Variants in GATA1 observed in about 807,000 individuals in gnomAD.
GATA1 encodes erythroid transcription factor.
A neutral mutation model predicts 18.9 loss-of-function variants in GATA1; 2 were observed. The ratio of observed to expected loss-of-function variants is 0.11; its 90% CI spans 0.04 to 0.33. GATA1 has a LOEUF of 0.33. Ranked by LOEUF, GATA1 falls within the 10% of genes least tolerant of loss-of-function variation. GATA1 has a pLI of 1.00. For synonymous variants in GATA1, 152 were observed against 149.1 expected, an observed-to-expected ratio of 1.02 and a Z score of -0.14; for missense variants, 272 against 344.7, an observed-to-expected ratio of 0.79 and a Z score of 1.67.
In GATA1 at chrX:48,791,324, C is replaced by T. The variant is rs1557020070; in HGVS notation, c.215C>T (p.Ser72Phe). The change falls in exon 2 of 6, where the codon TCC (serine) becomes TTC (phenylalanine). Residue 72 changes from serine (S) to phenylalanine (F), a missense_variant. This residue lies in a region of GATA1 where 147 missense variants were observed against 157.4 expected (regional missense o/e 0.93). Coordinates refer to ENST00000376670, the MANE Select transcript of GATA1 (RefSeq NM_002049.4). ...YYRDAEAYRHSPVFQVYPLLN... is the reference protein window; with the variant it reads ...YYRDAEAYRHFPVFQVYPLLN... Reference sequence around the variant, plus strand: ...AGGGACGCTGAGGCCTACAGACACTCCCCAGGTAACTCCATTGAGTGGCTG... The same window carrying T: ...AGGGACGCTGAGGCCTACAGACACTTCCCAGGTAACTCCATTGAGTGGCTG... 3 of 1,196,540 alleles carry T rather than the reference C, an allele frequency of 2.5e-6. No individual in the cohort carries two copies. The highest frequency in any genetic ancestry group is 3.4e-6 in the Non-Finnish European group (3 of 886,878).
At chrX:48,791,045 G>T (rs1261304938) in intron 1 of GATA1, 46 bp from the exon 2 acceptor site, 12 of 879,877 alleles carry the variant, frequency 1.4e-5, no homozygotes, top group Admixed American at 7.7e-5. Flanking sequence ...GAAAGGAGGT[G>T]GGGGGGAAGG....
At chrX:48,792,258 G>C (rs782442206) in intron 3 of GATA1, 37 bp downstream of exon 3, 2 of 1,211,853 alleles carry the variant, frequency 1.7e-6, no homozygotes, top group East Asian at 5.9e-5. Flanking sequence ...AGTTGAGGTG[G>C]GAGGGGTGGC....
intron 1 of GATA1, 45 bp from the exon 2 acceptor site, chrX:48,791,046 G>A (rs1215996916): frequency 2.2e-6 from 2 of 894,226 alleles, no homozygotes; most frequent in African/African-American, 2.0e-5. Flanking sequence ...AAAGGAGGTG[G>A]GGGGGAAGGA....
Position 48,791,995 on chromosome X carries a change from G to A in GATA1, c.372G>A (p.Leu124=), listed in dbSNP as rs1378991052. The A allele has an allele frequency of 1.7e-6, 2 of 1,211,867 alleles. No homozygotes were observed. The highest frequency in any genetic ancestry group is 1.1e-6 in the Non-Finnish European group (1 of 895,498). ...EDSPPQAVED[L]DGKGSTSFLE... ...CTCCTCCCCAGGCCGTGGAAGATCT[G>A]GATGGAAAAGGCAGCACCAGCTTCC... Residue 124 remains leucine, a synonymous_variant, in exon 3 of 6, where the codon CTG becomes CTA. Transcript: ENST00000376670.
chrX:48,791,756 G>A, intron 2 of GATA1, 88 bp from the exon 3 acceptor site: 1 of 1,080,884 alleles, frequency 9.3e-7, no homozygotes, highest in Non-Finnish European at 1.3e-6. Context: ...ACCATGTTGG[G>A]GGTGCTGGGA....
chrX:48,791,156 C>T lies in GATA1; in HGVS notation c.47C>T (p.Pro16Leu). The change falls in exon 2 of 6, where the codon CCC becomes CTC. Residue 16 changes from proline (P) to leucine (L), a missense_variant. Coordinates refer to ENST00000376670, the MANE Select transcript of GATA1 (RefSeq NM_002049.4). Reference protein sequence around the residue: ...LGSLGTSEPLPQFVDPALVSS... With the variant: ...LGSLGTSEPLLQFVDPALVSS... Reference sequence around the variant, plus strand: ...TCCCTGGGGACCTCAGAGCCCCTCCCCCAGTTTGTGGATCCTGCTCTGGTG... The same window carrying T: ...TCCCTGGGGACCTCAGAGCCCCTCCTCCAGTTTGTGGATCCTGCTCTGGTG... 1 of 1,209,453 alleles carries T rather than the reference C, an allele frequency of 8.3e-7. No individual in the cohort carries two copies. Among genetic ancestry groups the T allele is most frequent in the African/African-American group, 1.7e-5 (1 of 57,793 alleles).
intron 1 of GATA1, 46 bp from the exon 2 acceptor site, chrX:48,791,044 TG>T (rs1194323143): frequency 9.5e-6 from 8 of 842,763 alleles, no homozygotes; most frequent in African/African-American, 7.5e-5. Flanking sequence ...TGAAAGGAGG[TG>T]GGGGGGAAGG....
intron 4 of GATA1, among the ~76,000 whole-genome samples, 193 bp downstream of exon 4, chrX:48,792,661 C>G: frequency 8.9e-6 from 1 of 111,910 alleles, no homozygotes; most frequent in Non-Finnish European, 1.9e-5. Context: ...AGGAAAATCT[C>G]CTCATCCCAT....
At chrX:48,787,037 T>C (rs2062660619) in intron 1 of GATA1, among the ~76,000 whole-genome samples, 1 of 110,107 alleles carries the variant, frequency 9.1e-6, no homozygotes, top group African/African-American at 3.3e-5. Flanking sequence ...TCTCCCTGAC[T>C]TCTCCTCCAA....
Position 48,792,235 on chromosome X carries a change from A to T in GATA1, c.598+14A>T, listed in dbSNP as rs782664582. 2 of 1,211,620 alleles carry T rather than the reference A, an allele frequency of 1.7e-6. No homozygotes were observed. Among genetic ancestry groups the T allele is most frequent in the Middle Eastern group, 2.3e-4 (1 of 4,355 alleles). ...TGCCTCCCTGTGGTGAGAAATTCAA[A>T]AAAGGACAGGGAAGTTGAGGTGGGA... is the stretch of plus-strand genomic sequence containing the variant. On this transcript the variant is annotated intron_variant, in intron 3 of 5. Transcript: ENST00000376670.
intron 1 of GATA1, among the ~76,000 whole-genome samples, chrX:48,790,600 G>A (rs2062671057): frequency 9.3e-6 from 1 of 107,299 alleles, no homozygotes; most frequent in Admixed American, 1.0e-4. Flanking sequence ...GAAGGTGGAG[G>A]AGAAAAAGGA....
At chrX:48,788,356 C>T (rs1019424760) in intron 1 of GATA1, among the ~76,000 whole-genome samples, 2 of 109,131 alleles carry the variant, frequency 1.8e-5, no homozygotes, top group Admixed American at 9.7e-5. Context: ...GACAGATGGC[C>T]GGAGAAAAAG....
In GATA1 at chrX:48,792,088, A is replaced by G. The variant is rs1557020216; in HGVS notation, c.465A>G (p.Ser155=). 3.3e-6 allele frequency: 4 copies of G among 1,210,134 alleles called. No homozygotes were observed. Among genetic ancestry groups the G allele is most frequent in the Non-Finnish European group, 4.5e-6 (4 of 894,983 alleles). The part of the protein sequence containing the change: ...LLTLGPALPS[S]LPVPNSAYGG... ...CCCTGGGACCTGCACTGCCTTCATC[A>G]CTCCCTGTCCCCAATAGTGCTTATG... The change falls in exon 3 of 6, where the codon TCA becomes TCG. Residue 155 remains serine (S), a synonymous_variant. Transcript: ENST00000376670.
intron 1 of GATA1, among the ~76,000 whole-genome samples, chrX:48,787,583 C>T (rs1226846266): frequency 1.8e-5 from 2 of 111,098 alleles, no homozygotes; most frequent in Non-Finnish European, 3.8e-5. Context: ...AACTTTATTT[C>T]TGACTCTCAA....
Position 48,792,554 on chromosome X carries a change from A to T in GATA1, c.744+86A>T, listed in dbSNP as rs192395206. 140 of 1,134,887 alleles carry T rather than the reference A, an allele frequency of 1.2e-4. 2 individuals carry two copies. In the East Asian group the frequency reaches 3.2e-3, roughly 26 times the overall value. The allele number at this position is 1,134,887 out of a possible 1,213,427, so 93.5% of individuals were successfully genotyped here. ...AAGCCACATCTTCCCATTATATAGG[A>T]ACGCTGTTCTCATGATTACAGGAAG... is the stretch of plus-strand genomic sequence containing the variant. On this transcript the variant is annotated intron_variant, in intron 4 of 5. Coordinates refer to ENST00000376670, the MANE Select transcript of GATA1 (RefSeq NM_002049.4).
Position 48,791,811 on chromosome X carries a change from CTT to C in GATA1, c.221-32_221-31del, listed in dbSNP as rs782418746. The C allele has an allele frequency of 1.2e-5, 15 of 1,207,821 alleles. No homozygotes were observed. The East Asian group carries it at 1.5e-4, about 12-fold the overall frequency. ...CGCTGACCCTAGACTGATTTTGCCT[CTT>C]CTTTCCTCCATCCCTACCTGCCCCC... On this transcript the variant is annotated intron_variant, in intron 2 of 5. Transcript: ENST00000376670.
intron 1 of GATA1, among the ~76,000 whole-genome samples, chrX:48,788,093 G>A (rs931011976): frequency 5.4e-5 from 6 of 111,061 alleles, no homozygotes; most frequent in African/African-American, 1.3e-4. Context: ...ACTCACCAAC[G>A]TGTGAGGTGC....
chrX:48,792,184 T>G lies in GATA1; in HGVS notation c.561T>G (p.Ser187=). The change falls in exon 3 of 6, where the codon TCT becomes TCG. Residue 187 remains serine (S), a synonymous_variant. Coordinates refer to ENST00000376670, the MANE Select transcript of GATA1 (RefSeq NM_002049.4). ...GSPLNSAAYS[S]PKLRGTLPLP... is the part of the protein sequence containing the mutation. The stretch of plus-strand genomic sequence containing the variant: ...CCCTCAATTCAGCAGCCTATTCCTC[T>G]CCCAAGCTTCGTGGAACTCTCCCCC... 1 of 1,211,069 alleles carries G rather than the reference T, an allele frequency of 8.3e-7. No individual in the cohort carries two copies. The highest frequency in any genetic ancestry group is 1.1e-6 in the Non-Finnish European group (1 of 895,296).
Position 48,794,228 on chromosome X carries a change from G to C in GATA1, c.*64G>C, listed in dbSNP as rs1557020683. On this transcript the variant is annotated 3_prime_UTR_variant, in exon 6 of 6. Transcript: ENST00000376670. Reference sequence around the variant, plus strand: ...TTCTCCTCTTGTAGCCAGAATTCTGGACAACCCAAGTCTCTGGGCCCCAGG... The same window carrying C: ...TTCTCCTCTTGTAGCCAGAATTCTGCACAACCCAAGTCTCTGGGCCCCAGG... 1 of 1,169,606 alleles carries C rather than the reference G, an allele frequency of 8.5e-7. No individual in the cohort carries two copies. Among genetic ancestry groups the C allele is most frequent in the Admixed American group, 2.3e-5 (1 of 43,348 alleles).
Sources: gnomAD v4.1 joint callset for allele counts (sites outside exome capture counted in the v4.1 genomes callset) on GRCh38, gnomAD v4.1.1 for gene constraint, gnomAD v4.1.1 regional missense constraint, MANE v1.5 for transcripts, NCBI Gene and HGNC (gene_info 2026-07-23, HGNC 2026-07-21) for gene names.